Variants in LHX4 observed in about 807,000 individuals in gnomAD.
The protein encoded by LHX4 is LIM homeobox 4.
In LHX4, 16 loss-of-function variants were observed where a neutral mutation model predicts 39.2. The observed-to-expected ratio is 0.41, with a 90% CI of 0.28 to 0.62. The LOEUF (loss-of-function observed/expected upper bound fraction) is 0.62. LHX4 is among the 20% of genes least tolerant of loss of function. LHX4 has a pLI of 0.33. For missense variants in LHX4, 439 were observed against 511.9 expected, an observed-to-expected ratio of 0.86 and a Z score of 1.37; for synonymous variants, 206 against 198.1, an observed-to-expected ratio of 1.04 and a Z score of -0.33.
chr1:180,236,393 C>T (rs1399902646), intron 1 of LHX4, among the ~76,000 whole-genome samples: 1 of 152,190 alleles, frequency 6.6e-6, no homozygotes, highest in African/African-American at 2.4e-5. Flanking sequence ...TTTTAATGCC[C>T]TTTCACTCTG....
chr1:180,270,614 T>A (rs1409851698), intron 3 of LHX4: 1 of 153,124 alleles, frequency 6.5e-6, no homozygotes, highest in Non-Finnish European at 1.5e-5. Flanking sequence ...GATCAGTCAG[T>A]GTGTTGCCCA....
Position 180,278,481 on chromosome 1 carries a change from GCA to G in LHX4, c.*3905_*3906del, listed in dbSNP as rs1023178463. On this transcript the variant is annotated 3_prime_UTR_variant, in exon 6 of 6. Transcript: ENST00000263726. The stretch of plus-strand genomic sequence containing the variant: ...TCTGCTTGGTAGGACCACACTAAAA[GCA>G]CAGTTTCATGCTGCTAGCTCTGGTA... 3 of 152,078 alleles carry G rather than the reference GCA, an allele frequency of 2.0e-5. No homozygotes were observed. Among genetic ancestry groups the G allele is most frequent in the Non-Finnish European group, 2.9e-5 (2 of 68,062 alleles). The allele number at this position is 152,078 out of a possible 1,614,324, so 9.4% of individuals were successfully genotyped here. A position where few individuals can be genotyped will look rare whatever the true frequency, so the allele number is the denominator to read the frequency against.
chr1:180,239,401 A>G (rs1178408613), intron 1 of LHX4, among the ~76,000 whole-genome samples: 2 of 152,206 alleles, frequency 1.3e-5, no homozygotes, highest in Non-Finnish European at 2.9e-5. Flanking sequence ...TTTGCATACT[A>G]TTTCAGTTGC....
Position 180,275,921 on chromosome 1 carries a change from C to T in LHX4, c.*1342C>T, listed in dbSNP as rs1258877158. The stretch of plus-strand genomic sequence containing the variant: ...CCTGAGGCCAGAGCAAGGCCAACCC[C>T]CGCTTTACGAGTTGCCACTCCTGCG... On this transcript the variant is annotated 3_prime_UTR_variant, in exon 6 of 6. Coordinates refer to ENST00000263726, the MANE Select transcript of LHX4 (RefSeq NM_033343.4). 1.3e-5 allele frequency: 2 copies of T among 152,342 alleles called. No homozygotes were observed. Among genetic ancestry groups the T allele is most frequent in the Non-Finnish European group, 2.9e-5 (2 of 68,136 alleles). 9.4% of individuals were successfully genotyped at this position (152,342 alleles called of 1,614,324 possible).
Position 180,266,503 on chromosome 1 carries a change from C to T in LHX4, c.360C>T (p.Cys120=), listed in dbSNP as rs1432563265. 1 of 1,614,124 alleles carries T rather than the reference C, an allele frequency of 6.2e-7. No homozygotes were observed. The highest frequency in any genetic ancestry group is 8.5e-7 in the Non-Finnish European group (1 of 1,180,044). The change falls in exon 3 of 6, where the codon TGC becomes TGT. Residue 120 remains cysteine, a synonymous_variant. Transcript: ENST00000263726. The surrounding 1 kb of genome is among the most constrained non-coding windows in gnomAD (Gnocchi z 5.7). Reference sequence around the variant, plus strand: ...TGCACTGCTTTGCTTGCATCATCTGCAACCGGCAGCTGGCCACGGGGGACG... The same window carrying T: ...TGCACTGCTTTGCTTGCATCATCTGTAACCGGCAGCTGGCCACGGGGGACG... ...YHLHCFACII[C]NRQLATGDEF... is the part of the protein sequence containing the mutation.
At position 180,275,437 on chromosome 1, in the gene LHX4, A is replaced by ACAAT. The variant is rs564218424; in HGVS notation, c.*865_*868dup. 3.5e-4 allele frequency: 54 copies of ACAAT among 152,354 alleles called. No homozygotes were observed. The highest frequency in any genetic ancestry group is 3.1e-3 in the East Asian group (16 of 5,188). 9.4% of individuals were successfully genotyped at this position (152,354 alleles called of 1,614,324 possible). The stretch of plus-strand genomic sequence containing the variant: ...ACTAAAATGTGGGGAGAACAAAATG[A>ACAAT]CAATCAATCAGTGAACATTTGTAGA... On this transcript the variant is annotated 3_prime_UTR_variant, in exon 6 of 6. Transcript: ENST00000263726.
chr1:180,260,626 GC>G (rs1465295664), intron 2 of LHX4, among the ~76,000 whole-genome samples: 2 of 151,908 alleles, frequency 1.3e-5, no homozygotes, highest in Non-Finnish European at 2.9e-5. Context: ...ACCTGGGCCA[GC>G]CGGAGGATGT....
At chr1:180,272,864 T>A (rs541203452) in intron 5 of LHX4, 2 of 152,218 alleles carry the variant, frequency 1.3e-5, no homozygotes. Flanking sequence ...CAACTGTGGA[T>A]GTGCTTGGGG....
At chr1:180,229,953 CGGA>C (rs1349918493), upstream of LHX4, among the ~76,000 whole-genome samples, 1 of 30,234 alleles carries the variant, frequency 3.3e-5, no homozygotes, top group East Asian at 8.9e-4. Context: ...GAGGCGGAGG[CGGA>C]GGCGGGGAGG....
At chr1:180,248,602 C>A in intron 2 of LHX4, 146 bp downstream of exon 2, 1 of 849,380 alleles carries the variant, frequency 1.2e-6, no homozygotes, top group Non-Finnish European at 1.9e-6. Flanking sequence ...GAGAGGATGC[C>A]CCTTGTTGAG....
At chr1:180,229,480 C>T (rs1289527585), upstream of LHX4, among the ~76,000 whole-genome samples, 1 of 152,156 alleles carries the variant, frequency 6.6e-6, no homozygotes, top group African/African-American at 2.4e-5. Context: ...CTTCCCCAGC[C>T]CGGGCCGGCG....
chr1:180,267,705 G>A (rs924179433), intron 3 of LHX4, among the ~76,000 whole-genome samples: 27 of 152,156 alleles, frequency 1.8e-4, no homozygotes, highest in Non-Finnish European at 5.9e-5. Flanking sequence ...ACAGCTCTGG[G>A]CTTGATGAGA....
rs1289053476 is a variant in LHX4 at position 180,230,487 on chromosome 1, G to C, written c.-43G>C. 6.5e-7 allele frequency: 1 copy of C among 1,526,732 alleles called. No homozygotes were observed. Among genetic ancestry groups the C allele is most frequent in the Admixed American group, 1.7e-5 (1 of 59,402 alleles). 94.6% of individuals were successfully genotyped at this position (1,526,732 alleles called of 1,614,324 possible). A position where few individuals can be genotyped will look rare whatever the true frequency, so the allele number is the denominator to read the frequency against. On this transcript the variant is annotated 5_prime_UTR_variant, in exon 1 of 6. Coordinates refer to ENST00000263726, the MANE Select transcript of LHX4 (RefSeq NM_033343.4). The surrounding 1 kb of genome is among the most constrained non-coding windows in gnomAD (Gnocchi z 5.8). ...CTGAATCGAGCTAGAGCGAGAGAGC[G>C]AGAGATCTCCGTAGACTGCGACTCG...
rs74132424 is a variant in LHX4, at chr1:180,265,159, A to C, written c.249-1233A>C. 5.0e-3 allele frequency among the ~76,000 whole-genome samples: 761 copies of C among 152,298 alleles called. 10 individuals are homozygous for C. Among genetic ancestry groups the C allele is most frequent in the African/African-American group, 0.017 (711 of 41,558 alleles). On this transcript the variant is annotated intron_variant, in intron 2 of 5. Coordinates refer to ENST00000263726, the MANE Select transcript of LHX4 (RefSeq NM_033343.4). The stretch of plus-strand genomic sequence containing the variant: ...TGGATGAAATATGTACTGTCCTTTC[A>C]GGGGAAATCAGGCTGCCTATAAGCA...
chr1:180,254,735 G>A (rs3843274), intron 2 of LHX4, among the ~76,000 whole-genome samples: 8,930 of 152,274 alleles, frequency 0.059, 380 homozygotes, highest in South Asian at 0.19. Flanking sequence ...AACTTGGGGC[G>A]TTAGACATCA....
rs1558207232 is a variant in LHX4, at chr1:180,234,210, T to C, written c.76+3605T>C. On this transcript the variant is annotated intron_variant, in intron 1 of 5. Transcript: ENST00000263726. This position sits in a 1 kb window ranked among gnomAD's most constrained non-coding sequence, Gnocchi z 4.8. ...ATATATATATATATATATATATATA[T>C]ATATATATATAATAGATTGAGATTC... 1.6e-5 allele frequency among the ~76,000 whole-genome samples: 1 copy of C among 63,346 alleles called. No homozygotes were observed. Among genetic ancestry groups the C allele is most frequent in the Non-Finnish European group, 3.0e-5 (1 of 33,452 alleles). 41.6% of individuals were successfully genotyped at this position (63,346 alleles called of 152,430 possible). A position where few individuals can be genotyped will look rare whatever the true frequency, so the allele number is the denominator to read the frequency against.
At chr1:180,267,340 A>G (rs1017305711) in intron 3 of LHX4, among the ~76,000 whole-genome samples, 1 of 152,282 alleles carries the variant, frequency 6.6e-6, no homozygotes, top group Non-Finnish European at 1.5e-5. Flanking sequence ...TCCCGCATTT[A>G]GCAGCCACGC....
At chr1:180,270,923 G>A in intron 3 of LHX4, 1 of 255,262 alleles carries the variant, frequency 3.9e-6, no homozygotes, top group Non-Finnish European at 7.8e-6. Context: ...AAGGTGACAT[G>A]GCTGTGGGGA....
intron 1 of LHX4, among the ~76,000 whole-genome samples, chr1:180,241,460 G>A (rs1176668243): frequency 6.6e-6 from 1 of 152,196 alleles, no homozygotes; most frequent in African/African-American, 2.4e-5. Context: ...CTGGCTATGA[G>A]ACAGTGAAGG....
Sources: allele counts gnomAD v4.1 joint callset (sites outside exome capture counted in the v4.1 genomes callset), GRCh38; gene constraint gnomAD v4.1.1; non-coding constraint Gnocchi (gnomAD v3.1); transcripts MANE v1.5; gene names NCBI Gene and HGNC (gene_info 2026-07-23, HGNC 2026-07-21).